CNTNAP2: variants seen among roughly 807,000 people sequenced by gnomAD.
CNTNAP2 encodes contactin-associated protein-like 2.
In CNTNAP2, 98 loss-of-function variants were observed where a neutral mutation model predicts 155.2. The ratio of observed to expected loss-of-function variants is 0.63; its 90% CI spans 0.54 to 0.75. The LOEUF (loss-of-function observed/expected upper bound fraction) is 0.75, where lower values mean the gene tolerates loss of function less well. Among genes scored for constraint, CNTNAP2 ranks in the 30% least tolerant of loss-of-function variants. The pLI is 0.00. For synonymous variants in CNTNAP2, 651 were observed against 631.2 expected (o/e 1.03, Z -0.47); for missense variants, 1,727 against 1,688.1 (o/e 1.02, Z -0.40).
At chr7:146,571,303 C>A (rs920404766) in intron 1 of CNTNAP2, among the ~76,000 whole-genome samples, 4 of 151,342 alleles carry the variant, frequency 2.6e-5, no homozygotes, top group African/African-American at 7.3e-5. Context: ...ATACAGGGAA[C>A]ATTTGATAAA....
At chr7:148,173,379 G>A (rs575908049) in intron 18 of CNTNAP2, among the ~76,000 whole-genome samples, 1 of 152,252 alleles carries the variant, frequency 6.6e-6, no homozygotes, top group South Asian at 2.1e-4. Flanking sequence ...TTCTGTGAGC[G>A]GTTGGTGCAT....
rs191250358 is a variant in CNTNAP2 at position 147,951,102 on chromosome 7, A to G, written c.2256-26760A>G. ...ACTCCTATCTTGGTAATTATCTGATAGCGATTTAATTCTCAGGCCCAGCCG... is the reference window on the plus strand; with the variant it reads ...ACTCCTATCTTGGTAATTATCTGATGGCGATTTAATTCTCAGGCCCAGCCG... On this transcript the variant is annotated intron_variant, in intron 14 of 23. Transcript: ENST00000361727. 8.5e-3 allele frequency among the ~76,000 whole-genome samples: 1,301 copies of G among 152,348 alleles called. 8 individuals carry two copies. Among genetic ancestry groups the G allele is most frequent in the Non-Finnish European group, 0.012 (841 of 68,034 alleles).
intron 1 of CNTNAP2, among the ~76,000 whole-genome samples, chr7:146,168,783 T>C (rs1295897880): frequency 6.6e-6 from 1 of 152,176 alleles, no homozygotes; most frequent in Non-Finnish European, 1.5e-5. Flanking sequence ...CCAAGAACTA[T>C]TTTCAATGTG....
chr7:147,440,438 G>A (rs887045059), intron 10 of CNTNAP2, among the ~76,000 whole-genome samples: 4 of 152,046 alleles, frequency 2.6e-5, no homozygotes, highest in Admixed American at 2.6e-4. Context: ...GTCTTCAAAA[G>A]TAGTTGTAGT....
intron 8 of CNTNAP2, among the ~76,000 whole-genome samples, chr7:147,176,924 TATA>T (rs1240205089): frequency 1.6e-5 from 2 of 126,026 alleles, no homozygotes; most frequent in African/African-American, 7.1e-5. Flanking sequence ...ATTTTAATAA[TATA>T]ATATATAATA....
intron 1 of CNTNAP2, among the ~76,000 whole-genome samples, chr7:146,656,770 G>A (rs1176385471): frequency 6.6e-6 from 1 of 152,114 alleles, no homozygotes; most frequent in Non-Finnish European, 1.5e-5. Flanking sequence ...GACTTCAAAA[G>A]GCAAATTATA....
intron 1 of CNTNAP2, among the ~76,000 whole-genome samples, chr7:146,651,879 G>A (rs1457336151): frequency 6.6e-6 from 1 of 152,164 alleles, no homozygotes; most frequent in East Asian, 1.9e-4. Flanking sequence ...TCATCACTAA[G>A]TAAAAACCTT....
rs181334433 is a variant in CNTNAP2 at position 147,066,041 on chromosome 7, A to C, written c.550+21987A>C. 1.3e-3 allele frequency among the ~76,000 whole-genome samples: 198 copies of C among 152,306 alleles called. 1 individual carries two copies. The highest frequency in any genetic ancestry group is 4.5e-3 in the African/African-American group (189 of 41,574). On this transcript the variant is annotated intron_variant, in intron 4 of 23. Transcript: ENST00000361727. Reference sequence around the variant, plus strand: ...CAAAACAAAACAAAACAAAAAACAAAGAAACAAAAAACCTTACAAGTTAAT... The same window carrying C: ...CAAAACAAAACAAAACAAAAAACAACGAAACAAAAAACCTTACAAGTTAAT...
At chr7:148,298,604 C>A (rs1797326701) in intron 21 of CNTNAP2, among the ~76,000 whole-genome samples, 1 of 152,136 alleles carries the variant, frequency 6.6e-6, no homozygotes, top group African/African-American at 2.4e-5. Context: ...CACCCAGGAA[C>A]AATACTTTAC....
intron 2 of CNTNAP2, among the ~76,000 whole-genome samples, chr7:146,828,960 A>G (rs184188164): frequency 6.6e-6 from 1 of 152,184 alleles, no homozygotes; most frequent in Admixed American, 6.6e-5. Flanking sequence ...TTGCATTCAC[A>G]TTAGTTTCAC....
chr7:147,941,355 CATT>C (rs1299850702), intron 14 of CNTNAP2, among the ~76,000 whole-genome samples: 3 of 152,164 alleles, frequency 2.0e-5, no homozygotes, highest in African/African-American at 7.2e-5. Flanking sequence ...AAAGGCTCGA[CATT>C]ATAGAATCTG....
rs58029757 is a variant in CNTNAP2, at chr7:146,671,452, C to CACACACACACAT, written c.98-102819_98-102818insACACACACACAT. ...ACTCACACACACACACACACACACA[C>CACACACACACAT]GGACACACATATACAAAAGCAACCC... On this transcript the variant is annotated intron_variant, in intron 1 of 23. Transcript: ENST00000361727. Among the ~76,000 whole-genome samples, 4 of 148,372 alleles carry CACACACACACAT rather than the reference C, an allele frequency of 2.7e-5. No individual in the cohort carries two copies. The South Asian group carries it at 6.5e-4, about 24-fold the overall frequency.
At chr7:146,434,417 A>C (rs555000068) in intron 1 of CNTNAP2, among the ~76,000 whole-genome samples, 20 of 152,286 alleles carry the variant, frequency 1.3e-4, no homozygotes, top group African/African-American at 4.8e-4. Flanking sequence ...CCACAGGCTA[A>C]TTTTCACAGC....
At chr7:146,837,335 A>G (rs1803637570) in intron 2 of CNTNAP2, among the ~76,000 whole-genome samples, 1 of 151,992 alleles carries the variant, frequency 6.6e-6, no homozygotes, top group African/African-American at 2.4e-5. Context: ...TCTGTGTCTC[A>G]TCTGCTGTTA....
At chr7:147,868,552 T>C (rs1214151372) in intron 13 of CNTNAP2, among the ~76,000 whole-genome samples, 2 of 152,240 alleles carry the variant, frequency 1.3e-5, no homozygotes, top group Non-Finnish European at 2.9e-5. Context: ...TGCTGCCTTT[T>C]CTTGAGCTAT....
intron 13 of CNTNAP2, among the ~76,000 whole-genome samples, chr7:147,865,028 G>C (rs1264779617): frequency 1.3e-5 from 2 of 152,124 alleles, no homozygotes; most frequent in Non-Finnish European, 2.9e-5. Context: ...AATGCTTCCA[G>C]TTTTTGCCCA....
At chr7:147,255,758 A>G (rs919366118) in intron 8 of CNTNAP2, among the ~76,000 whole-genome samples, 21 of 151,986 alleles carry the variant, frequency 1.4e-4, no homozygotes, top group East Asian at 1.9e-4. Flanking sequence ...TTATTTGTTT[A>G]TTTATTGAGC....
intron 13 of CNTNAP2, among the ~76,000 whole-genome samples, chr7:147,801,039 A>G (rs1303966596): frequency 1.3e-5 from 2 of 152,204 alleles, no homozygotes; most frequent in East Asian, 3.9e-4. Context: ...CATATCTCAG[A>G]ACATATCCCC....
chr7:146,323,199 A>G (rs1330844780), intron 1 of CNTNAP2, among the ~76,000 whole-genome samples: 1 of 152,150 alleles, frequency 6.6e-6, no homozygotes, highest in African/African-American at 2.4e-5. Flanking sequence ...CCATTAGGCA[A>G]GTGATTATGC....
Sources: allele counts gnomAD v4.1 joint callset (sites outside exome capture counted in the v4.1 genomes callset), GRCh38; gene constraint gnomAD v4.1.1; transcripts MANE v1.5; gene names NCBI Gene and HGNC (gene_info 2026-07-23, HGNC 2026-07-21).